ROBO2: variants seen among roughly 807,000 people sequenced by gnomAD.
The protein encoded by ROBO2 is roundabout homolog 2.
Under a neutral mutation model 160.8 loss-of-function variants are expected in ROBO2, and 53 were observed. The observed-to-expected ratio is 0.33, with a 90% CI of 0.26 to 0.41. The LOEUF is 0.41. ROBO2 is among the 10% of genes least tolerant of loss of function. The pLI, the probability that ROBO2 is intolerant of heterozygous loss-of-function variation, is 1.00. For synonymous variants in ROBO2, 664 were observed against 611.7 expected, an observed-to-expected ratio of 1.09 and a Z score of -1.26; for missense variants, 1,577 against 1,722.4, an observed-to-expected ratio of 0.92 and a Z score of 1.49.
At chr3:76,373,401 A>G (rs528501084) in intron 2 of ROBO2, among the ~76,000 whole-genome samples, 13 of 152,110 alleles carry the variant, frequency 8.5e-5, no homozygotes, top group Admixed American at 7.2e-4. Flanking sequence ...TTTTGACTTT[A>G]TAGAAGTCTG....
At chr3:76,121,747 C>T (rs1450569552) in intron 2 of ROBO2, among the ~76,000 whole-genome samples, 1 of 152,138 alleles carries the variant, frequency 6.6e-6, no homozygotes, top group African/African-American at 2.4e-5. Flanking sequence ...GAAAGCCATA[C>T]TTCGCTCTGT....
At position 76,890,324 on chromosome 3, in the gene ROBO2, A is replaced by G. The variant is rs192110588; in HGVS notation, c.110-207690A>G. ...GAAGAATGAAATCAACAGCATCCTT[A>G]GTAAATTACACAGTGAAGATTTGAG... On this transcript the variant is annotated intron_variant, in intron 2 of 26. Transcript: ENST00000487694. Among the ~76,000 whole-genome samples, 1,127 of 152,334 alleles carry G rather than the reference A, an allele frequency of 7.4e-3. 6 individuals carry two copies. The highest frequency in any genetic ancestry group is 0.012 in the Non-Finnish European group (821 of 68,034).
intron 2 of ROBO2, among the ~76,000 whole-genome samples, chr3:77,272,207 A>G (rs914110832): frequency 1.3e-5 from 2 of 152,206 alleles, no homozygotes; most frequent in African/African-American, 2.4e-5. Flanking sequence ...CAAACTTGCT[A>G]TGTAATCTGT....
intron 2 of ROBO2, among the ~76,000 whole-genome samples, chr3:76,350,633 T>TA (rs2108280617): frequency 6.6e-6 from 1 of 152,154 alleles, no homozygotes; most frequent in African/African-American, 2.4e-5. Flanking sequence ...GACTGAGAGA[T>TA]ACCACAGAAG....
chr3:76,001,652 C>G (rs1175009700), intron 2 of ROBO2, among the ~76,000 whole-genome samples: 1 of 152,090 alleles, frequency 6.6e-6, no homozygotes, highest in Non-Finnish European at 1.5e-5. Context: ...GTTCTCCCAC[C>G]TCAGCCTCCT....
At chr3:77,405,589 G>A (rs2076190010) in intron 2 of ROBO2, among the ~76,000 whole-genome samples, 1 of 151,818 alleles carries the variant, frequency 6.6e-6, no homozygotes, top group South Asian at 2.1e-4. Flanking sequence ...ATTACTGAGT[G>A]TGGGATAAAT....
intron 2 of ROBO2, among the ~76,000 whole-genome samples, chr3:76,850,631 C>A (rs969980655): frequency 6.6e-6 from 1 of 152,076 alleles, no homozygotes; most frequent in Non-Finnish European, 1.5e-5. Context: ...TTAGTCTTTC[C>A]TGTATAATTC....
chr3:77,290,729 C>A (rs867677942), intron 2 of ROBO2, among the ~76,000 whole-genome samples: 1 of 68,738 alleles, frequency 1.5e-5, no homozygotes, highest in Non-Finnish European at 2.8e-5. Flanking sequence ...GATGGTTAAA[C>A]GGGAAGTTGA....
rs573811530 is a variant in ROBO2 at position 76,056,064 on chromosome 3, A to G, written c.109+118462A>G. 4.6e-5 allele frequency among the ~76,000 whole-genome samples: 7 copies of G among 152,366 alleles called. No individual in the cohort carries two copies. The East Asian group carries it at 1.3e-3, about 29-fold the overall frequency. ...ATTCAACCAAGTGCTGATTGAAAAT[A>G]GTTGAGAAAATGAAAAACAAAAAAA... is the stretch of plus-strand genomic sequence containing the variant. On this transcript the variant is annotated intron_variant, in intron 2 of 26. Coordinates refer to the ROBO2 transcript ENST00000487694.
At chr3:75,964,965 T>A (rs1463109488) in intron 2 of ROBO2, 1 of 151,716 alleles carries the variant, frequency 6.6e-6, no homozygotes, top group Non-Finnish European at 1.5e-5. Flanking sequence ...ATTTATTTAT[T>A]TTTTCTGTTT....
intron 2 of ROBO2, among the ~76,000 whole-genome samples, chr3:76,256,163 G>A (rs1706347503): frequency 6.6e-6 from 1 of 151,786 alleles, no homozygotes; most frequent in South Asian, 2.1e-4. Context: ...AATAAAAAAT[G>A]TCCAGGCATG....
chr3:76,015,894 A>G (rs2066391878), intron 2 of ROBO2, among the ~76,000 whole-genome samples: 1 of 152,192 alleles, frequency 6.6e-6, no homozygotes, highest in Non-Finnish European at 1.5e-5. Context: ...TTAAAAATCT[A>G]TTCTCTATTT....
At chr3:77,502,883 C>T (rs1291939541) in intron 5 of ROBO2, among the ~76,000 whole-genome samples, 1 of 151,886 alleles carries the variant, frequency 6.6e-6, no homozygotes, top group Non-Finnish European at 1.5e-5. Flanking sequence ...GGAACTAAGC[C>T]CCAGTGGATA....
At chr3:76,984,969 A>G (rs2060293437) in intron 2 of ROBO2, among the ~76,000 whole-genome samples, 1 of 152,176 alleles carries the variant, frequency 6.6e-6, no homozygotes, top group Non-Finnish European at 1.5e-5. Flanking sequence ...CCAAACTAAA[A>G]TAATGAATTC....
intron 2 of ROBO2, among the ~76,000 whole-genome samples, chr3:77,403,848 G>A (rs898063770): frequency 6.6e-6 from 1 of 151,932 alleles, no homozygotes; most frequent in Non-Finnish European, 1.5e-5. Flanking sequence ...AAAAAGTGGA[G>A]TTTGAATCAG....
chr3:76,321,292 G>A (rs972327124), intron 2 of ROBO2, among the ~76,000 whole-genome samples: 17 of 152,114 alleles, frequency 1.1e-4, no homozygotes, highest in Non-Finnish European at 2.1e-4. Context: ...CGAGGTGGGC[G>A]GATCACGAGG....
At chr3:77,484,905 C>T (rs935394851) in intron 4 of ROBO2, among the ~76,000 whole-genome samples, 4 of 151,818 alleles carry the variant, frequency 2.6e-5, no homozygotes, top group African/African-American at 7.3e-5. Context: ...AATAATAAAC[C>T]CATTTTCCCA....
chr3:75,915,040 A>G (rs900610826), intron 1 of ROBO2, among the ~76,000 whole-genome samples: 17 of 152,258 alleles, frequency 1.1e-4, no homozygotes, highest in African/African-American at 4.1e-4. Flanking sequence ...AAGACTGTTG[A>G]TTGTCTTTCT....
chr3:77,147,636 C>T (rs7372287), intron 2 of ROBO2, among the ~76,000 whole-genome samples: 55,141 of 152,012 alleles, frequency 0.36, 11,502 homozygotes, highest in Middle Eastern at 0.53. Context: ...CTGGTGTACT[C>T]TTTTACTATG....
Sources: allele counts gnomAD v4.1 joint callset (sites outside exome capture counted in the v4.1 genomes callset), GRCh38; gene constraint gnomAD v4.1.1; transcripts MANE v1.5; gene names NCBI Gene and HGNC (gene_info 2026-07-23, HGNC 2026-07-21).